The following AFF1 variants were observed in gnomAD, a reference collection of about 807,000 sequenced individuals.
AFF1 encodes the protein AF4/FMR2 family member 1.
Under a neutral mutation model 121.7 loss-of-function variants are expected in AFF1, and 48 were observed. That is an observed-to-expected ratio of 0.39 (90% CI 0.31 to 0.50). AFF1 has a LOEUF of 0.50. Among genes scored for constraint, AFF1 ranks in the 20% least tolerant of loss-of-function variants. The pLI is 0.76. For missense variants in AFF1, 1,523 were observed against 1,511.7 expected (o/e 1.01, Z -0.12); for synonymous variants, 613 against 563.0 (o/e 1.09, Z -1.26).
Position 86,981,829 on chromosome 4 carries a change from A to C in AFF1, c.38+33258A>C, listed in dbSNP as rs1434776389. ...ATAACAGACGTGCATCACGATCTCTAACCAGTCATTCTCTTCCTCTTAAAG... is the reference window on the plus strand; with the variant it reads ...ATAACAGACGTGCATCACGATCTCTCACCAGTCATTCTCTTCCTCTTAAAG... On this transcript the variant is annotated intron_variant, in intron 2 of 20. Coordinates refer to ENST00000395146, the MANE Select transcript of AFF1 (RefSeq NM_001166693.3). 2.6e-5 allele frequency among the ~76,000 whole-genome samples: 4 copies of C among 152,364 alleles called. No homozygotes were observed. The East Asian group carries it at 7.7e-4, about 29-fold the overall frequency.
chr4:87,080,381 A>G (rs1200892797), intron 4 of AFF1, among the ~76,000 whole-genome samples: 1 of 152,256 alleles, frequency 6.6e-6, no homozygotes, highest in Non-Finnish European at 1.5e-5. Context: ...GACGTTGTAC[A>G]TTGAATGTCT....
intron 2 of AFF1, among the ~76,000 whole-genome samples, chr4:86,972,131 CAAAAAAAAAAAAAAA>C (rs59683267): frequency 1.3e-3 from 77 of 57,962 alleles, no homozygotes; most frequent in African/African-American, 4.7e-3. Context: ...GAGCTTGTCT[CAAAAAAAAAAAAAAA>C]AAAAAAAAAA....
rs1248620800 is a variant in AFF1, at chr4:87,125,531, C to T, written c.2573+388C>T. Among the ~76,000 whole-genome samples the T allele has an allele frequency of 2.6e-5, 4 of 152,214 alleles. No homozygotes were observed. The East Asian group carries it at 5.8e-4, about 22-fold the overall frequency. On this transcript the variant is annotated intron_variant, in intron 13 of 20. Transcript: ENST00000395146. ...TGTGTTGGAGCCAGCATTTGGACTC[C>T]GGGAGCCTGTGTTCAGTGCTCCTTC...
At position 87,091,814 on chromosome 4, in the gene AFF1, G is replaced by C. The variant is rs762394058; in HGVS notation, c.1213G>C (p.Val405Leu). 1.3e-6 allele frequency: 2 copies of C among 1,560,294 alleles called. No individual in the cohort carries two copies. Among genetic ancestry groups the C allele is most frequent in the African/African-American group, 1.4e-5 (1 of 72,008 alleles). The change falls in exon 7 of 21, where the codon GTA (valine) becomes CTA (leucine). Residue 405 changes from valine (V) to leucine (L), a missense_variant. Physicochemically the swap from Val to Leu is conservative, Grantham distance 32 (BLOSUM62 1). This residue lies in a region of AFF1 where 905 missense variants were observed against 842.5 expected (regional missense o/e 1.07). Coordinates refer to ENST00000395146, the MANE Select transcript of AFF1 (RefSeq NM_001166693.3). ...PTKDSQHVSS[V>L]TQNQKQYDTS... is the part of the protein sequence containing the mutation. The stretch of plus-strand genomic sequence containing the variant: ...CTAGGACTCTCAGCATGTCAGTTCT[G>C]TAACCCAAAACCAAAGTAAGTAAAT...
At chr4:87,022,793 G>A (rs1413851437) in intron 2 of AFF1, among the ~76,000 whole-genome samples, 1 of 150,678 alleles carries the variant, frequency 6.6e-6, no homozygotes, top group Non-Finnish European at 1.5e-5. Context: ...CATATCACGT[G>A]TGTGTATATA....
chr4:87,081,104 G>A (rs1723118051), intron 4 of AFF1, among the ~76,000 whole-genome samples: 1 of 150,900 alleles, frequency 6.6e-6, no homozygotes, highest in Non-Finnish European at 1.5e-5. Flanking sequence ...TAAAAGGTAT[G>A]TGGGAAATCC....
intron 2 of AFF1, chr4:87,007,082 C>T: frequency 8.1e-7 from 1 of 1,234,100 alleles, no homozygotes; most frequent in East Asian, 3.6e-5. Flanking sequence ...GGCCCGCTGG[C>T]TTTCCCTTCT....
intron 4 of AFF1, 71 bp from the exon 5 acceptor site, chr4:87,084,049 C>A (rs1560608513): frequency 7.3e-7 from 1 of 1,364,522 alleles, no homozygotes; most frequent in Non-Finnish European, 1.0e-6. Flanking sequence ...TGCATTAATA[C>A]AGTCATCCAC....
chr4:87,103,639 G>T (rs905151622), intron 8 of AFF1, among the ~76,000 whole-genome samples: 1 of 152,204 alleles, frequency 6.6e-6, no homozygotes, highest in Non-Finnish European at 1.5e-5. Flanking sequence ...TTTTCATGGT[G>T]CCTGTTTATC....
Position 87,140,345 on chromosome 4 carries a change from G to T in AFF1, c.*4644G>T, listed in dbSNP as rs143548574. 381 of 195,770 alleles carry T rather than the reference G, an allele frequency of 1.9e-3. 3 individuals are homozygous for T. Among genetic ancestry groups the T allele is most frequent in the African/African-American group, 8.4e-3 (362 of 43,216 alleles). 12.1% of individuals were successfully genotyped at this position (195,770 alleles called of 1,614,324 possible). The stretch of plus-strand genomic sequence containing the variant: ...AGTATACACTGTTCATGTTGGGGTT[G>T]TGTGTGTGTATGTGTGTATGTACGC... On this transcript the variant is annotated 3_prime_UTR_variant, in exon 21 of 21. Transcript: ENST00000395146.
At chr4:87,061,222 A>ATGCC (rs1377303116) in intron 4 of AFF1, among the ~76,000 whole-genome samples, 2 of 152,168 alleles carry the variant, frequency 1.3e-5, no homozygotes, top group African/African-American at 4.8e-5. Flanking sequence ...CCGCTAAAGT[A>ATGCC]TGCCCATGGC....
intron 2 of AFF1, chr4:86,950,061 A>C: frequency 6.2e-7 from 1 of 1,614,042 alleles, no homozygotes; most frequent in Non-Finnish European, 8.5e-7. Flanking sequence ...TGATTGATGT[A>C]ATAGGCCATC....
chr4:87,032,742 CT>C (rs1729195583), intron 2 of AFF1, among the ~76,000 whole-genome samples: 1 of 152,158 alleles, frequency 6.6e-6, no homozygotes, highest in African/African-American at 2.4e-5. Flanking sequence ...TGGATATACT[CT>C]CCCATGATAG....
intron 2 of AFF1, chr4:87,007,369 G>A (rs774456002): frequency 1.2e-6 from 2 of 1,613,250 alleles, no homozygotes; most frequent in South Asian, 1.1e-5. Flanking sequence ...GGGTGAAGGC[G>A]CTCATGGACG....
chr4:86,987,718 C>T (rs1008592740), intron 2 of AFF1, among the ~76,000 whole-genome samples: 2 of 152,024 alleles, frequency 1.3e-5, no homozygotes, highest in African/African-American at 4.8e-5. Flanking sequence ...CTTGGGAGGC[C>T]GAGGCGGGTG....
chr4:87,131,954 T>C, intron 18 of AFF1, 90 bp downstream of exon 18: 1 of 1,127,480 alleles, frequency 8.9e-7, no homozygotes, highest in Non-Finnish European at 1.2e-6. Context: ...TTTCTTAATG[T>C]GAAAATTATG....
chr4:86,974,913 T>G (rs1045060448), intron 2 of AFF1, among the ~76,000 whole-genome samples: 2 of 152,222 alleles, frequency 1.3e-5, no homozygotes, highest in Admixed American at 1.3e-4. Context: ...TTTCATCTTA[T>G]GAGTGATATT....
At chr4:87,031,538 A>G (rs1379297099) in intron 2 of AFF1, among the ~76,000 whole-genome samples, 2 of 152,102 alleles carry the variant, frequency 1.3e-5, no homozygotes, top group Non-Finnish European at 2.9e-5. Context: ...ACATAAGAGG[A>G]AGTCAATGTT....
At chr4:87,110,381 A>G (rs920051488) in intron 11 of AFF1, among the ~76,000 whole-genome samples, 1 of 152,068 alleles carries the variant, frequency 6.6e-6, no homozygotes, top group Admixed American at 6.6e-5. Context: ...AATGTAAATT[A>G]AAGTATTATT....
Sources: allele counts gnomAD v4.1 joint callset (sites outside exome capture counted in the v4.1 genomes callset), GRCh38; gene constraint gnomAD v4.1.1; regional missense constraint gnomAD v4.1.1; transcripts MANE v1.5; gene names NCBI Gene and HGNC (gene_info 2026-07-23, HGNC 2026-07-21).